PRKAR2B: variants seen among roughly 807,000 people sequenced by gnomAD.
PRKAR2B encodes the protein cAMP-dependent protein kinase type II-beta regulatory subunit.
PRKAR2B carries 14 observed loss-of-function variants against 49.9 expected under a neutral mutation model. The observed-to-expected ratio is 0.28, with a 90% CI of 0.19 to 0.44. The LOEUF (loss-of-function observed/expected upper bound fraction) is 0.44. Ranked by LOEUF, PRKAR2B falls within the 20% of genes least tolerant of loss-of-function variation. The pLI, the probability that PRKAR2B is intolerant of heterozygous loss-of-function variation, is 1.00. For synonymous variants in PRKAR2B, 196 were observed against 197.7 expected (o/e 0.99, Z 0.07); for missense variants, 393 against 537.9 (o/e 0.73, Z 2.67).
At chr7:107,054,358 A>G (rs1793870782) in intron 1 of PRKAR2B, among the ~76,000 whole-genome samples, 1 of 151,994 alleles carries the variant, frequency 6.6e-6, no homozygotes, top group Non-Finnish European at 1.5e-5. Context: ...AAACAAAACA[A>G]CAAAACAAAC....
intron 1 of PRKAR2B, among the ~76,000 whole-genome samples, chr7:107,050,525 T>TG (rs1793781192): frequency 6.6e-6 from 1 of 152,118 alleles, no homozygotes; most frequent in African/African-American, 2.4e-5. Context: ...TCTTTTTCAG[T>TG]TGTGCAAATA....
intron 2 of PRKAR2B, among the ~76,000 whole-genome samples, chr7:107,081,190 T>C (rs1383907901): frequency 1.3e-5 from 2 of 152,148 alleles, no homozygotes; most frequent in African/African-American, 4.8e-5. Flanking sequence ...TACCCCAAAT[T>C]TGGGTTAACT....
In PRKAR2B at chr7:107,153,316, T is replaced by A. The variant is rs557131923; in HGVS notation, c.918+65T>A. Reference sequence around the variant, plus strand: ...TCCAAAAGGTTCCTGTAGTGGTAGATCTTGATAAACTTTTCATATTTCTAA... The same window carrying A: ...TCCAAAAGGTTCCTGTAGTGGTAGAACTTGATAAACTTTTCATATTTCTAA... On this transcript the variant is annotated intron_variant, in intron 8 of 10. Coordinates refer to ENST00000265717, the MANE Select transcript of PRKAR2B (RefSeq NM_002736.3). The A allele has an allele frequency of 3.5e-5, 41 of 1,184,920 alleles. No individual in the cohort carries two copies. The African/African-American group carries it at 6.0e-4, about 17-fold the overall frequency. 73.4% of individuals were successfully genotyped at this position (1,184,920 alleles called of 1,614,324 possible).
At chr7:107,094,967 T>G (rs1373594390) in intron 2 of PRKAR2B, among the ~76,000 whole-genome samples, 6 of 152,216 alleles carry the variant, frequency 3.9e-5, no homozygotes, top group African/African-American at 1.4e-4. Context: ...TCTTTTGACT[T>G]AGGATTGTCT....
chr7:107,098,494 G>A (rs984079021), intron 2 of PRKAR2B, among the ~76,000 whole-genome samples: 3 of 152,086 alleles, frequency 2.0e-5, no homozygotes, highest in Admixed American at 6.6e-5. Context: ...ATTACTGATT[G>A]TCTGAAGCCG....
intron 1 of PRKAR2B, among the ~76,000 whole-genome samples, chr7:107,052,193 C>T (rs776807768): frequency 1.3e-5 from 2 of 152,068 alleles, no homozygotes; most frequent in African/African-American, 4.8e-5. Flanking sequence ...CCGATGCGGG[C>T]GGATCACCTG....
chr7:107,141,109 T>A (rs979959539), intron 5 of PRKAR2B, among the ~76,000 whole-genome samples, 156 bp downstream of exon 5: 6 of 152,356 alleles, frequency 3.9e-5, no homozygotes, highest in African/African-American at 1.4e-4. Flanking sequence ...TGTGAGTACA[T>A]GCAGTGAAAC....
chr7:107,044,867 G>T lies in PRKAR2B; in HGVS notation c.-41G>T. On this transcript the variant is annotated 5_prime_UTR_variant, in exon 1 of 11. Coordinates refer to ENST00000265717, the MANE Select transcript of PRKAR2B (RefSeq NM_002736.3). The stretch of plus-strand genomic sequence containing the variant: ...GGGCCCTAGGCCGTGCCGGGGAGGG[G>T]GCGAGGGCGGCGCCCAGGCGCCTGC... 6.5e-7 allele frequency: 1 copy of T among 1,535,348 alleles called. No individual in the cohort carries two copies. The highest frequency in any genetic ancestry group is 8.7e-7 in the Non-Finnish European group (1 of 1,144,086).
chr7:107,153,345 T>C (rs2115672476), intron 8 of PRKAR2B, 94 bp downstream of exon 8: 2 of 830,646 alleles, frequency 2.4e-6, no homozygotes, highest in Non-Finnish European at 3.7e-6. Context: ...TTTCTAAAAT[T>C]AGTATGCAGT....
At chr7:107,128,145 T>G in intron 3 of PRKAR2B, 67 bp from the exon 4 acceptor site, 1 of 1,057,658 alleles carries the variant, frequency 9.5e-7, no homozygotes, top group Non-Finnish European at 1.4e-6. Context: ...TTGTTAGTTT[T>G]TAAAATCTCT....
chr7:107,088,967 G>A (rs1178102850), intron 2 of PRKAR2B, among the ~76,000 whole-genome samples: 1 of 151,798 alleles, frequency 6.6e-6, no homozygotes, highest in Non-Finnish European at 1.5e-5. Flanking sequence ...TCAGGAGTGC[G>A]AGACTAGCCT....
chr7:107,066,775 T>C (rs1794156410), intron 1 of PRKAR2B: 1 of 151,892 alleles, frequency 6.6e-6, no homozygotes, highest in Admixed American at 6.6e-5. Context: ...GGGTTTCTCT[T>C]ATGTTGGCCC....
At chr7:107,090,492 C>T (rs1794716747) in intron 2 of PRKAR2B, among the ~76,000 whole-genome samples, 1 of 152,206 alleles carries the variant, frequency 6.6e-6, no homozygotes, top group Non-Finnish European at 1.5e-5. Flanking sequence ...CCTGACCTCA[C>T]CTGGAGCTAA....
intron 4 of PRKAR2B, among the ~76,000 whole-genome samples, chr7:107,138,940 A>G (rs1795746678): frequency 6.6e-6 from 1 of 152,210 alleles, no homozygotes; most frequent in East Asian, 1.9e-4. Context: ...TGGCCTCCCA[A>G]AGTGCTGGGA....
chr7:107,075,253 C>T (rs1794374393), intron 2 of PRKAR2B, among the ~76,000 whole-genome samples: 1 of 151,934 alleles, frequency 6.6e-6, no homozygotes. Context: ...CAGCTGCACA[C>T]CACCATGCCT....
At chr7:107,078,933 G>T (rs541181083) in intron 2 of PRKAR2B, among the ~76,000 whole-genome samples, 1 of 152,300 alleles carries the variant, frequency 6.6e-6, no homozygotes, top group African/African-American at 2.4e-5. Flanking sequence ...CGCCTATAGT[G>T]TCCTCAGACT....
At chr7:107,136,622 C>T (rs781548076) in intron 4 of PRKAR2B, among the ~76,000 whole-genome samples, 1 of 152,202 alleles carries the variant, frequency 6.6e-6, no homozygotes, top group African/African-American at 2.4e-5. Context: ...TACTACACAT[C>T]TATTAGAATG....
chr7:107,140,600 A>G (rs1379895731), intron 4 of PRKAR2B, among the ~76,000 whole-genome samples: 1 of 152,208 alleles, frequency 6.6e-6, no homozygotes, highest in Non-Finnish European at 1.5e-5. Flanking sequence ...TAAAGTGGTG[A>G]TAGTTGCAAA....
intron 7 of PRKAR2B, among the ~76,000 whole-genome samples, chr7:107,152,372 G>A (rs971466866): frequency 6.6e-6 from 1 of 152,060 alleles, no homozygotes; most frequent in African/African-American, 2.4e-5. Flanking sequence ...CACCCACTTC[G>A]GGGTCTTTGT....
Sources: allele counts gnomAD v4.1 joint callset (sites outside exome capture counted in the v4.1 genomes callset), GRCh38; gene constraint gnomAD v4.1.1; transcripts MANE v1.5; gene names NCBI Gene and HGNC (gene_info 2026-07-23, HGNC 2026-07-21).